The following THBS3 variants were observed in gnomAD, a reference collection of about 807,000 sequenced individuals.
THBS3 encodes the protein thrombospondin 3.
A neutral mutation model predicts 118.3 loss-of-function variants in THBS3; 78 were observed. That is an observed-to-expected ratio of 0.66 (90% confidence interval 0.55 to 0.80). The LOEUF (loss-of-function observed/expected upper bound fraction) is 0.80. THBS3 is among the 30% of genes least tolerant of loss of function. The probability of loss-of-function intolerance (pLI) is 0.00; values close to 1 mark genes in which losing one functional copy is unlikely to be tolerated. For synonymous variants in THBS3, 427 were observed against 475.3 expected, an observed-to-expected ratio of 0.90 and a Z score of 1.32; for missense variants, 1,057 against 1,247.4, an observed-to-expected ratio of 0.85 and a Z score of 2.30.
Position 155,199,981 on chromosome 1 carries a change from C to A in THBS3, c.1827+14G>T, listed in dbSNP as rs773251835. The A allele has an allele frequency of 6.2e-7, 1 of 1,600,760 alleles. No individual in the cohort carries two copies. Among genetic ancestry groups the A allele is most frequent in the Admixed American group, 1.7e-5 (1 of 58,710 alleles). On this transcript the variant is annotated intron_variant, in intron 15 of 22. Transcript: ENST00000368378. ...TACCCTCATCCCTCCCCTGTCCTTA[C>A]CATCTCCCTGTACCTGGGTAGGATT...
intron 16 of THBS3, among the ~76,000 whole-genome samples, 187 bp downstream of exon 16, chr1:155,199,617 G>A (rs934036324): frequency 6.6e-6 from 1 of 151,844 alleles, no homozygotes; most frequent in Admixed American, 6.6e-5. Context: ...AGCTGGGCTT[G>A]GTAGCACATG....
intron 2 of THBS3, 186 bp from the exon 3 acceptor site, chr1:155,205,502 G>T: frequency 2.4e-6 from 2 of 825,212 alleles, no homozygotes; most frequent in Non-Finnish European, 3.7e-6. Flanking sequence ...TAGAGGCCAG[G>T]CACGGTGGCT....
Position 155,197,347 on chromosome 1 carries a change from C to T in THBS3, c.2499+116G>A. 2.0e-6 allele frequency: 3 copies of T among 1,523,132 alleles called. No homozygotes were observed. The highest frequency in any genetic ancestry group is 2.7e-6 in the Non-Finnish European group (3 of 1,121,472). 94.4% of individuals were successfully genotyped at this position (1,523,132 alleles called of 1,614,324 possible). ...CCCTGGGGCCCCAGAGAGCCGGCCT[C>T]CAAGCCAGATGTCTGGGTAAGAGGG... On this transcript the variant is annotated intron_variant, in intron 20 of 22. Coordinates refer to ENST00000368378, the MANE Select transcript of THBS3 (RefSeq NM_007112.5). This position sits in a 1 kb window ranked among gnomAD's most constrained non-coding sequence, Gnocchi z 5.0.
At chr1:155,196,228 C>T in intron 21 of THBS3, 102 bp from the exon 22 acceptor site, 7 of 1,356,754 alleles carry the variant, frequency 5.2e-6, no homozygotes, top group East Asian at 2.3e-5. Flanking sequence ...CCCCCTTGAG[C>T]TCACCAGGCC....
chr1:155,199,691 GT>G, intron 16 of THBS3, 112 bp downstream of exon 16: 3 of 1,083,786 alleles, frequency 2.8e-6, no homozygotes, highest in Non-Finnish European at 4.1e-6. Context: ...GGAGACGGAG[GT>G]TGCAGTGAGC....
In THBS3 at chr1:155,195,767, C is replaced by T. The variant is rs1163525481; in HGVS notation, c.*74G>A. On this transcript the variant is annotated 3_prime_UTR_variant, in exon 23 of 23. Transcript: ENST00000368378. ...GTTGGCTGAGGGGCTGTAGCTTAGA[C>T]CTCAGGGTCTCCAGGATGGACCCCA... The T allele has an allele frequency of 3.3e-6, 5 of 1,533,140 alleles. No homozygotes were observed. The highest frequency in any genetic ancestry group is 2.7e-6 in the Non-Finnish European group (3 of 1,119,656). The allele number at this position is 1,533,140 out of a possible 1,614,324, so 95.0% of individuals were successfully genotyped here. A position where few individuals can be genotyped will look rare whatever the true frequency, so the allele number is the denominator to read the frequency against.
upstream of THBS3, chr1:155,207,957 G>A (rs1670799959): frequency 1.6e-6 from 2 of 1,284,978 alleles, no homozygotes; most frequent in East Asian, 3.1e-5. Context: ...GGAGCCGGGG[G>A]GCGGAGGGAC....
chr1:155,199,937 C>T, intron 15 of THBS3, 58 bp downstream of exon 15: 1 of 1,610,800 alleles, frequency 6.2e-7, no homozygotes, highest in Non-Finnish European at 8.5e-7. Context: ...ATCCAAAGGG[C>T]TGGGGCTTCA....
Position 155,197,380 on chromosome 1 carries a change from T to C in THBS3, c.2499+83A>G. 6.5e-7 allele frequency: 1 copy of C among 1,548,988 alleles called. No homozygotes were observed. The highest frequency in any genetic ancestry group is 8.8e-7 in the Non-Finnish European group (1 of 1,140,010). On this transcript the variant is annotated intron_variant, in intron 20 of 22. Coordinates refer to ENST00000368378, the MANE Select transcript of THBS3 (RefSeq NM_007112.5). This position sits in a 1 kb window ranked among gnomAD's most constrained non-coding sequence, Gnocchi z 5.0. Reference sequence around the variant, plus strand: ...GATGTCTGGGTAAGAGGGTTCCCAGTCAAGCAGTGGGGGAGGCCCTGGGGC... The same window carrying C: ...GATGTCTGGGTAAGAGGGTTCCCAGCCAAGCAGTGGGGGAGGCCCTGGGGC...
At position 155,204,867 on chromosome 1, in the gene THBS3, T is replaced by A; in HGVS notation, c.634A>T (p.Ile212Phe). The A allele has an allele frequency of 6.2e-7, 1 of 1,613,950 alleles. No homozygotes were observed. The highest frequency in any genetic ancestry group is 8.5e-7 in the Non-Finnish European group (1 of 1,180,004). ...GTCTCTGTGTTACCTGCACTGTGGA[T>A]GGACTCGTCCCCTTGGAATGGACAC... is the stretch of plus-strand genomic sequence containing the variant. ...SECPFQGDES[I>F]HSAVTNALHS... Residue 212 changes from isoleucine (I) to phenylalanine (F), a missense_variant, in exon 4 of 23, where the codon ATC becomes TTC. By Grantham distance (21) the Ile-to-Phe change is conservative. Transcript: ENST00000368378.
Position 155,201,216 on chromosome 1 carries a change from C to T in THBS3, c.1330-12G>A. 1 of 1,614,016 alleles carries T rather than the reference C, an allele frequency of 6.2e-7. No individual in the cohort carries two copies. Among genetic ancestry groups the T allele is most frequent in the Middle Eastern group, 1.6e-4 (1 of 6,062 alleles). On this transcript the variant is annotated splice_polypyrimidine_tract_variant and intron_variant, in intron 11 of 22. Transcript: ENST00000368378. ...CAGCCCACGTTACACTAGGGCAACA[C>T]AAAGGGTAGGAGCTAGCAGTTTGGT...
Sources: gnomAD v4.1 joint callset for allele counts (sites outside exome capture counted in the v4.1 genomes callset) on GRCh38, gnomAD v4.1.1 for gene constraint, Gnocchi (gnomAD v3.1) non-coding constraint, MANE v1.5 for transcripts, NCBI Gene and HGNC (gene_info 2026-07-23, HGNC 2026-07-21) for gene names.